RHOT1: variants seen among roughly 807,000 people sequenced by gnomAD.
The protein encoded by RHOT1 is mitochondrial Rho GTPase 1.
RHOT1 carries 27 observed loss-of-function variants against 95.3 expected under a neutral mutation model. The observed-to-expected ratio is 0.28, with a 90% confidence interval of 0.21 to 0.39. The LOEUF is 0.39. Among genes scored for constraint, RHOT1 ranks in the 10% least tolerant of loss-of-function variants. RHOT1 has a pLI of 1.00. For missense variants in RHOT1, 578 were observed against 786.7 expected (o/e 0.73, Z 3.17); for synonymous variants, 227 against 263.5 (o/e 0.86, Z 1.34).
intron 6 of RHOT1, among the ~76,000 whole-genome samples, chr17:32,181,681 A>G (rs1161576966): frequency 1.3e-5 from 2 of 152,200 alleles, no homozygotes; most frequent in African/African-American, 2.4e-5. Flanking sequence ...TTTGAAGCAA[A>G]TAGAGACATT....
intron 1 of RHOT1, among the ~76,000 whole-genome samples, chr17:32,158,626 A>C (rs1017294413): frequency 2.0e-5 from 3 of 151,848 alleles, no homozygotes; most frequent in African/African-American, 7.3e-5. Flanking sequence ...CGCCCGGCTA[A>C]TTTTTGTATT....
At chr17:32,218,651 C>CA (rs1448941354) in intron 19 of RHOT1, among the ~76,000 whole-genome samples, 5 of 151,268 alleles carry the variant, frequency 3.3e-5, no homozygotes, top group Non-Finnish European at 7.4e-5. Flanking sequence ...CCCATCTCTA[C>CA]AAAAAATCAT....
chr17:32,221,530 AG>A (rs753098613), intron 19 of RHOT1, among the ~76,000 whole-genome samples: 1 of 152,182 alleles, frequency 6.6e-6, no homozygotes, highest in Admixed American at 6.5e-5. Flanking sequence ...AGCAATGATA[AG>A]CGTGCCCTCC....
At chr17:32,194,169 A>C (rs578201984) in intron 11 of RHOT1, 62 bp downstream of exon 11, 10 of 1,552,940 alleles carry the variant, frequency 6.4e-6, no homozygotes, top group East Asian at 2.3e-5. Context: ...ACAGGATCTC[A>C]CTATGTTTCC....
chr17:32,182,906 A>C, intron 7 of RHOT1, 41 bp downstream of exon 7: 1 of 1,280,724 alleles, frequency 7.8e-7, no homozygotes, highest in Non-Finnish European at 1.1e-6. Flanking sequence ...TTTTTAATGA[A>C]TTCTTACTAA....
chr17:32,218,229 G>A (rs565553478), intron 19 of RHOT1, among the ~76,000 whole-genome samples: 7 of 151,996 alleles, frequency 4.6e-5, no homozygotes, highest in East Asian at 1.9e-4. Flanking sequence ...TGGCTCATGC[G>A]TCTAATCCCA....
rs569518529 is a variant in RHOT1 at position 32,215,485 on chromosome 17, T to C, written c.1862+4247T>C. Among the ~76,000 whole-genome samples, 8 of 152,280 alleles carry C rather than the reference T, an allele frequency of 5.3e-5. No individual in the cohort carries two copies. The South Asian group carries it at 1.5e-3, about 28-fold the overall frequency. Reference sequence around the variant, plus strand: ...GGGCAAAATTTGAAAATGAAGAATATATGGAACCTGCCTTTAAGCATCTTT... The same window carrying C: ...GGGCAAAATTTGAAAATGAAGAATACATGGAACCTGCCTTTAAGCATCTTT... On this transcript the variant is annotated intron_variant, in intron 19 of 19. Coordinates refer to ENST00000545287, the MANE Select transcript of RHOT1 (RefSeq NM_001033566.3).
intron 11 of RHOT1, among the ~76,000 whole-genome samples, chr17:32,197,560 G>C (rs2036992036): frequency 1.3e-5 from 2 of 152,014 alleles, no homozygotes; most frequent in Admixed American, 6.6e-5. Flanking sequence ...CGAGTAGCTG[G>C]GACTACAGGC....
At chr17:32,170,075 T>C (rs1003092978) in intron 1 of RHOT1, among the ~76,000 whole-genome samples, 1 of 152,024 alleles carries the variant, frequency 6.6e-6, no homozygotes, top group African/African-American at 2.4e-5. Flanking sequence ...TTTATTTTAA[T>C]AAATTATAAT....
chr17:32,179,506 C>A (rs2035389341), intron 6 of RHOT1: 2 of 142,948 alleles, frequency 1.4e-5, no homozygotes, highest in Admixed American at 7.2e-5. Context: ...AAGTGAGGAG[C>A]GCCTCTGCCC....
chr17:32,217,126 T>C (rs1022469955), intron 19 of RHOT1, among the ~76,000 whole-genome samples: 3 of 152,208 alleles, frequency 2.0e-5, no homozygotes, highest in Admixed American at 6.5e-5. Context: ...CATATAGATA[T>C]TGGAGCATTT....
rs564760029 is a variant in RHOT1 at position 32,159,098 on chromosome 17, C to A, written c.38-11945C>A. 2.1e-4 allele frequency among the ~76,000 whole-genome samples: 32 copies of A among 152,324 alleles called. No homozygotes were observed. In the East Asian group the frequency reaches 5.8e-3, roughly 28 times the overall value. On this transcript the variant is annotated intron_variant, in intron 1 of 19. Transcript: ENST00000545287. ...GCCTCAACCTCTCCCCACACCGTGT[C>A]TCAGGAGCCCATGAGCACCCGGCTG...
intron 1 of RHOT1, among the ~76,000 whole-genome samples, chr17:32,165,959 C>T (rs1162092807): frequency 2.0e-5 from 3 of 151,890 alleles, no homozygotes; most frequent in Non-Finnish European, 2.9e-5. Flanking sequence ...CCAAGATGGG[C>T]GGATCTCCTG....
intron 2 of RHOT1, among the ~76,000 whole-genome samples, chr17:32,172,395 A>G (rs1174740741): frequency 1.3e-5 from 2 of 152,326 alleles, no homozygotes; most frequent in South Asian, 2.1e-4. Context: ...TTGTTTTAGC[A>G]TACTCCTCTT....
In RHOT1 at chr17:32,224,773, T is replaced by G. The variant is rs771360071; in HGVS notation, c.*40T>G. ...CTGTCCCTACCAAAAACAAATACTT[T>G]TATGTACATTCTGAATGCTTTAAGT... On this transcript the variant is annotated 3_prime_UTR_variant, in exon 20 of 20. Transcript: ENST00000545287. 4 of 1,193,594 alleles carry G rather than the reference T, an allele frequency of 3.4e-6. No individual in the cohort carries two copies. Among genetic ancestry groups the G allele is most frequent in the Admixed American group, 1.8e-5 (1 of 55,636 alleles). 73.9% of individuals were successfully genotyped at this position (1,193,594 alleles called of 1,614,324 possible).
At chr17:32,200,898 T>C in intron 13 of RHOT1, 58 bp from the exon 14 acceptor site, 2 of 1,316,024 alleles carry the variant, frequency 1.5e-6, no homozygotes, top group Non-Finnish European at 2.2e-6. Flanking sequence ...TTGGCTTTTT[T>C]TTCCCCATAA....
At chr17:32,192,498 T>C (rs556742587) in intron 9 of RHOT1, among the ~76,000 whole-genome samples, 199 bp downstream of exon 9, 2 of 152,204 alleles carry the variant, frequency 1.3e-5, no homozygotes, top group African/African-American at 4.8e-5. Flanking sequence ...TTCTGATAGC[T>C]TCATTTTATG....
chr17:32,180,607 G>A (rs559574144), intron 6 of RHOT1, among the ~76,000 whole-genome samples: 4 of 133,690 alleles, frequency 3.0e-5, no homozygotes, highest in South Asian at 2.5e-4. Context: ...CCCCCTCTCC[G>A]AGAAACACCC....
rs570159813 is a variant in RHOT1 at position 32,199,387 on chromosome 17, A to G, written c.955-18A>G. 1.3e-6 allele frequency: 2 copies of G among 1,599,786 alleles called. No homozygotes were observed. Among genetic ancestry groups the G allele is most frequent in the South Asian group, 1.1e-5 (1 of 88,070 alleles). ...TATCTTAGATATCTAAACATTCTGT[A>G]TCCTTGTGTTTCTTCAGGATAGAGA... On this transcript the variant is annotated intron_variant, in intron 12 of 19. Coordinates refer to ENST00000545287, the MANE Select transcript of RHOT1 (RefSeq NM_001033566.3).
Sources: allele counts gnomAD v4.1 joint callset (sites outside exome capture counted in the v4.1 genomes callset), GRCh38; gene constraint gnomAD v4.1.1; transcripts MANE v1.5; gene names NCBI Gene and HGNC (gene_info 2026-07-23, HGNC 2026-07-21).